UBR1: variants seen among roughly 807,000 people sequenced by gnomAD.
The protein encoded by UBR1 is ubiquitin protein ligase E3 component n-recognin 1.
Under a neutral mutation model 242.1 loss-of-function variants are expected in UBR1, and 102 were observed. That is an observed-to-expected ratio of 0.42 (90% CI 0.36 to 0.50). The LOEUF (loss-of-function observed/expected upper bound fraction) is 0.50, where lower values mean the gene tolerates loss of function less well. Ranked by LOEUF, UBR1 falls within the 20% of genes least tolerant of loss-of-function variation. The probability of loss-of-function intolerance (pLI) is 0.01; values close to 1 mark genes in which losing one functional copy is unlikely to be tolerated. For missense variants in UBR1, 1,772 were observed against 2,101.8 expected, an observed-to-expected ratio of 0.84 and a Z score of 3.07; for synonymous variants, 675 against 684.8, an observed-to-expected ratio of 0.99 and a Z score of 0.22.
intron 14 of UBR1, among the ~76,000 whole-genome samples, chr15:43,044,579 GACTA>G (rs1346988703): frequency 2.0e-5 from 3 of 152,142 alleles, no homozygotes; most frequent in African/African-American, 4.8e-5. Flanking sequence ...TCAGCATACT[GACTA>G]ACTAAAGGGT....
In UBR1 at chr15:43,059,963, C is replaced by G; in HGVS notation, c.861+89G>C. ...ATCTAGGTGCCCCAAACCACTTCAA[C>G]GACATCATCACTCAAATTATTCTAC... On this transcript the variant is annotated intron_variant, in intron 7 of 46. Coordinates refer to ENST00000290650, the MANE Select transcript of UBR1 (RefSeq NM_174916.3). 4.5e-6 allele frequency: 7 copies of G among 1,557,290 alleles called. No homozygotes were observed. In the South Asian group the frequency reaches 7.8e-5, roughly 17 times the overall value.
At chr15:42,988,629 A>T (rs2032511164) in intron 35 of UBR1, 190 bp downstream of exon 35, 1 of 728,524 alleles carries the variant, frequency 1.4e-6, no homozygotes, top group Non-Finnish European at 2.3e-6. Flanking sequence ...CCACAATCAT[A>T]GTTAAAAAGA....
At chr15:42,966,850 G>A (rs2032113788) in intron 40 of UBR1, among the ~76,000 whole-genome samples, 1 of 151,852 alleles carries the variant, frequency 6.6e-6, no homozygotes, top group African/African-American at 2.4e-5. Flanking sequence ...CAAAAACAAA[G>A]AGGCAACCAA....
chr15:43,048,573 G>A, intron 12 of UBR1, 82 bp from the exon 13 acceptor site: 1 of 1,086,004 alleles, frequency 9.2e-7, no homozygotes, highest in Non-Finnish European at 1.3e-6. Context: ...AGACAATGTT[G>A]ATTTATAAAA....
At chr15:43,085,935 A>AG (rs1410907040) in intron 2 of UBR1, 49 bp downstream of exon 2, 2 of 1,547,102 alleles carry the variant, frequency 1.3e-6, no homozygotes, top group East Asian at 4.8e-5. Flanking sequence ...AAAAAAAAAA[A>AG]AAAGGATTTT....
chr15:43,036,356 A>G, intron 18 of UBR1, 77 bp from the exon 19 acceptor site: 1 of 1,420,964 alleles, frequency 7.0e-7, no homozygotes, highest in Non-Finnish European at 9.9e-7. Flanking sequence ...ACTGTCAAAA[A>G]TTAAAAAGTT....
chr15:42,943,943 A>C lies in UBR1; in HGVS notation c.*1386T>G, dbSNP rs1250057536. On this transcript the variant is annotated 3_prime_UTR_variant, in exon 47 of 47. Coordinates refer to ENST00000290650, the MANE Select transcript of UBR1 (RefSeq NM_174916.3). ...AATCCACTTTTCTTTACATAAAAGT[A>C]CCAAAAAAATCTAGCCCCAAATGTG... 1 of 152,408 alleles carries C rather than the reference A, an allele frequency of 6.6e-6. No homozygotes were observed. Among genetic ancestry groups the C allele is most frequent in the Non-Finnish European group, 1.5e-5 (1 of 68,050 alleles). The allele number at this position is 152,408 out of a possible 1,614,324, so 9.4% of individuals were successfully genotyped here. A position where few individuals can be genotyped will look rare whatever the true frequency, so the allele number is the denominator to read the frequency against.
chr15:43,035,280 AT>A (rs932998092), intron 19 of UBR1, among the ~76,000 whole-genome samples: 14 of 151,924 alleles, frequency 9.2e-5, no homozygotes, highest in Admixed American at 2.0e-4. Context: ...TTTTCATGTG[AT>A]TTTTTTTCTT....
intron 46 of UBR1, among the ~76,000 whole-genome samples, chr15:42,945,821 T>A (rs1352655045): frequency 6.6e-6 from 1 of 152,226 alleles, no homozygotes; most frequent in Non-Finnish European, 1.5e-5. Flanking sequence ...TTATCTAGCT[T>A]CAATTTATGA....
chr15:43,058,513 G>C (rs1347959517), intron 9 of UBR1, 84 bp from the exon 10 acceptor site: 1 of 855,362 alleles, frequency 1.2e-6, no homozygotes, highest in Admixed American at 2.2e-5. Flanking sequence ...TAGAGTGGCA[G>C]AATATTATAA....
chr15:43,024,224 C>T (rs2033149121), intron 25 of UBR1, among the ~76,000 whole-genome samples: 1 of 152,148 alleles, frequency 6.6e-6, no homozygotes, highest in Admixed American at 6.6e-5. Context: ...GCAATGACAG[C>T]ATTTAGAACC....
intron 8 of UBR1, among the ~76,000 whole-genome samples, chr15:43,059,499 A>G (rs1455919957): frequency 1.3e-5 from 2 of 152,018 alleles, no homozygotes; most frequent in Non-Finnish European, 2.9e-5. Context: ...CAATAAAAAG[A>G]TATTATTTGA....
intron 33 of UBR1, among the ~76,000 whole-genome samples, chr15:42,993,347 T>C (rs193108983): frequency 3.9e-5 from 6 of 152,110 alleles, no homozygotes; most frequent in East Asian, 1.9e-4. Flanking sequence ...GAATTAGAGA[T>C]TGGATTTTAT....
Position 43,035,290 on chromosome 15 carries a change from T to C in UBR1, c.2190+888A>G, listed in dbSNP as rs1362381330. Among the ~76,000 whole-genome samples, 5 of 152,234 alleles carry C rather than the reference T, an allele frequency of 3.3e-5. No homozygotes were observed. The East Asian group carries it at 7.7e-4, about 23-fold the overall frequency. On this transcript the variant is annotated intron_variant, in intron 19 of 46. Transcript: ENST00000290650. Reference sequence around the variant, plus strand: ...AGTGTTTTTCATGTGATTTTTTTTCTTTGTTAATCTACATATTCTAATTTT... The same window carrying C: ...AGTGTTTTTCATGTGATTTTTTTTCCTTGTTAATCTACATATTCTAATTTT...
intron 25 of UBR1, among the ~76,000 whole-genome samples, chr15:43,024,033 T>C (rs2033146475): frequency 6.6e-6 from 1 of 152,238 alleles, no homozygotes; most frequent in Admixed American, 6.5e-5. Flanking sequence ...AGTAGATCTA[T>C]ATGCACTAAT....
chr15:43,047,273 C>G lies in UBR1; in HGVS notation c.1556G>C (p.Arg519Pro). The G allele has an allele frequency of 6.2e-7, 1 of 1,614,162 alleles. No individual in the cohort carries two copies. The highest frequency in any genetic ancestry group is 8.5e-7 in the Non-Finnish European group (1 of 1,180,012). ...LTCMQGMEEI[R>P]RQVGQHIEVD... ...TTCAATGTGTTGCCCAACCTGTCTT[C>G]GGATTTCTTCCATTCCCTGCAATTA... Residue 519 changes from arginine to proline, a missense_variant, in exon 14 of 47, where the codon CGA becomes CCA. Around this residue, in one of 3 missense-constraint regions of UBR1, gnomAD observed 734 missense variants for 893.3 expected, o/e 0.82. Transcript: ENST00000290650.
chr15:43,058,108 C>T (rs976234869), intron 10 of UBR1, among the ~76,000 whole-genome samples: 5 of 152,088 alleles, frequency 3.3e-5, no homozygotes, highest in Non-Finnish European at 7.4e-5. Flanking sequence ...CGGGGTTTCA[C>T]CGTGTTGGCC....
chr15:43,089,757 G>A (rs928673663), intron 1 of UBR1, among the ~76,000 whole-genome samples: 1 of 152,040 alleles, frequency 6.6e-6, no homozygotes, highest in Non-Finnish European at 1.5e-5. Context: ...TGTTATTTTT[G>A]CCCAAAATGT....
chr15:43,047,857 C>A (rs1378048475), intron 13 of UBR1, among the ~76,000 whole-genome samples: 1 of 152,154 alleles, frequency 6.6e-6, no homozygotes, highest in African/African-American at 2.4e-5. Context: ...AGAGATCATG[C>A]ATGAAAAGTG....
Sources: allele counts gnomAD v4.1 joint callset (sites outside exome capture counted in the v4.1 genomes callset), GRCh38; gene constraint gnomAD v4.1.1; regional missense constraint gnomAD v4.1.1; transcripts MANE v1.5; gene names NCBI Gene and HGNC (gene_info 2026-07-23, HGNC 2026-07-21).